Variants in SLC5A11 observed in about 807,000 individuals in gnomAD.
The protein encoded by SLC5A11 is sodium/myo-inositol cotransporter 2.
SLC5A11 carries 48 observed loss-of-function variants against 69.8 expected under a neutral mutation model. The ratio of observed to expected loss-of-function variants is 0.69; its 90% confidence interval spans 0.55 to 0.87. SLC5A11 has a LOEUF of 0.87. SLC5A11 is among the 40% of genes least tolerant of loss of function. The pLI, the probability that SLC5A11 is intolerant of heterozygous loss-of-function variation, is 0.00. For missense variants in SLC5A11, 784 were observed against 866.1 expected (o/e 0.91, Z 1.19); for synonymous variants, 319 against 342.4 (o/e 0.93, Z 0.75).
chr16:24,848,397 C>T (rs942447702), intron 1 of SLC5A11, among the ~76,000 whole-genome samples: 2 of 152,066 alleles, frequency 1.3e-5, no homozygotes, highest in Non-Finnish European at 2.9e-5. Flanking sequence ...TTGCTTGAGG[C>T]CTGGAGTTTG....
intron 7 of SLC5A11, among the ~76,000 whole-genome samples, chr16:24,879,720 G>C (rs1244889685): frequency 6.6e-6 from 1 of 152,176 alleles, no homozygotes; most frequent in Non-Finnish European, 1.5e-5. Context: ...ACTCCAGCCT[G>C]GGCAACAGAG....
intron 10 of SLC5A11, among the ~76,000 whole-genome samples, chr16:24,900,489 T>C (rs1241433321): frequency 2.0e-5 from 3 of 152,092 alleles, no homozygotes; most frequent in Non-Finnish European, 2.9e-5. Flanking sequence ...CCACAAATAG[T>C]CCCTAGTCCT....
chr16:24,884,197 T>G, intron 8 of SLC5A11, 66 bp downstream of exon 9: 3 of 1,476,302 alleles, frequency 2.0e-6, no homozygotes, highest in Non-Finnish European at 2.8e-6. Context: ...ATATCTGCTC[T>G]CCACACTGTG....
intron 13 of SLC5A11, 128 bp downstream of exon 14, chr16:24,908,259 C>A: frequency 9.5e-7 from 1 of 1,052,596 alleles, no homozygotes; most frequent in East Asian, 2.6e-5. Flanking sequence ...AGGGTGAGTT[C>A]CATTGGTGGA....
chr16:24,880,260 A>C (rs988490975), intron 7 of SLC5A11, among the ~76,000 whole-genome samples: 1 of 152,236 alleles, frequency 6.6e-6, no homozygotes, highest in African/African-American at 2.4e-5. Context: ...TCATGGTGGA[A>C]GGCAAAGGGG....
chr16:24,870,781 CAAA>C (rs57742222), intron 4 of SLC5A11, among the ~76,000 whole-genome samples: 1 of 66,540 alleles, frequency 1.5e-5, no homozygotes, highest in Non-Finnish European at 2.7e-5. Context: ...CTCTGTCTCA[CAAA>C]AAAAAAAAAA....
exon 6 of SLC5A11, chr16:24,875,707 T>G (rs752722452): frequency 6.2e-7 from 1 of 1,613,900 alleles, no homozygotes; most frequent in Non-Finnish European, 8.5e-7. Context: ...TCTACCTATT[T>G]ATCTACATCT....
intron 8 of SLC5A11, among the ~76,000 whole-genome samples, chr16:24,888,397 A>G (rs974102515): frequency 2.6e-5 from 4 of 151,794 alleles, no homozygotes; most frequent in Non-Finnish European, 4.4e-5. Flanking sequence ...ATTTATATTC[A>G]TAAATATGAA....
chr16:24,879,826 T>G (rs1357081230), intron 7 of SLC5A11, among the ~76,000 whole-genome samples: 1 of 152,230 alleles, frequency 6.6e-6, no homozygotes, highest in South Asian at 2.1e-4. Context: ...TCCAGCTGCA[T>G]TCATGTGCTG....
At chr16:24,887,858 C>T (rs1022681888) in intron 8 of SLC5A11, among the ~76,000 whole-genome samples, 14 of 151,856 alleles carry the variant, frequency 9.2e-5, no homozygotes, top group Non-Finnish European at 1.8e-4. Flanking sequence ...AGGCAAAAAG[C>T]GATAAACGGG....
intron 7 of SLC5A11, among the ~76,000 whole-genome samples, chr16:24,880,115 A>G (rs1346647025): frequency 6.6e-6 from 1 of 152,148 alleles, no homozygotes; most frequent in Non-Finnish European, 1.5e-5. Context: ...TACACTCTGT[A>G]TTAGTCCATT....
chr16:24,848,669 G>A (rs2059132579), intron 1 of SLC5A11, among the ~76,000 whole-genome samples: 1 of 152,188 alleles, frequency 6.6e-6, no homozygotes, highest in Non-Finnish European at 1.5e-5. Flanking sequence ...CTACTTGGGA[G>A]ACGGAGGTGG....
chr16:24,889,701 C>T (rs2048648124), intron 8 of SLC5A11, among the ~76,000 whole-genome samples: 1 of 151,744 alleles, frequency 6.6e-6, no homozygotes, highest in South Asian at 2.1e-4. Flanking sequence ...GCACCCACCA[C>T]CACGCCTGGC....
At chr16:24,910,401 C>T (rs758998102) in exon 15 of SLC5A11, 16 of 1,614,110 alleles carry the variant, frequency 9.9e-6, no homozygotes, top group Middle Eastern at 1.6e-4. Context: ...TCTCTCAGAA[C>T]GGGATGCCAG....
rs529752255 is a variant in SLC5A11 at position 24,854,555 on chromosome 16, A to G, written c.-24-4065A>G. 2.5e-4 allele frequency among the ~76,000 whole-genome samples: 38 copies of G among 152,016 alleles called. No homozygotes were observed. The East Asian group carries it at 2.5e-3, about 10-fold the overall frequency. On this transcript the variant is annotated intron_variant, in intron 1 of 15. Transcript: ENST00000347898. ...AGCGATCTTTCTGCCTTAGCCTCCA[A>G]AGTAGCTGGGATTACAGTTGCATAC...
chr16:24,862,566 T>A (rs2046640027), intron 2 of SLC5A11, 35 bp from the exon 4 acceptor site: 2 of 1,589,842 alleles, frequency 1.3e-6, no homozygotes, highest in Non-Finnish European at 1.7e-6. Context: ...ATTGCTAACG[T>A]CTTCCCTCAC....
intron 1 of SLC5A11, among the ~76,000 whole-genome samples, chr16:24,847,395 C>CTG (rs1040477380): frequency 6.6e-6 from 1 of 150,868 alleles, no homozygotes; most frequent in Non-Finnish European, 1.5e-5. Flanking sequence ...CTCTCTCTCT[C>CTG]TGTGTGTGTT....
At chr16:24,904,408 C>A (rs1352715507) in intron 10 of SLC5A11, among the ~76,000 whole-genome samples, 2 of 152,200 alleles carry the variant, frequency 1.3e-5, no homozygotes, top group African/African-American at 2.4e-5. Context: ...TCTTCACCAG[C>A]ATTTATTATG....
chr16:24,862,588 CT>C lies in SLC5A11; in HGVS notation c.136-4del, dbSNP rs765664793. 110 of 1,540,318 alleles carry C rather than the reference CT, an allele frequency of 7.1e-5. No individual in the cohort carries two copies. The highest frequency in any genetic ancestry group is 1.8e-4 in the Middle Eastern group (1 of 5,714). On this transcript the variant is annotated splice_polypyrimidine_tract_variant and intron_variant, in intron 2 of 15. Coordinates refer to ENST00000347898, the Ensembl canonical transcript of SLC5A11. ...ACGTCTTCCCTCACCCACCTCTCTT[CT>C]TTTTTTTTCAGTCCACAGTGAAGAC...
Sources: allele counts gnomAD v4.1 joint callset (sites outside exome capture counted in the v4.1 genomes callset), GRCh38; gene constraint gnomAD v4.1.1; transcripts MANE v1.5; gene names NCBI Gene and HGNC (gene_info 2026-07-23, HGNC 2026-07-21).